NDST3: variants seen among roughly 807,000 people sequenced by gnomAD.
NDST3 encodes N-deacetylase and N-sulfotransferase 3, also known as bifunctional heparan sulfate N-deacetylase/N-sulfotransferase 3.
A neutral mutation model predicts 96.1 loss-of-function variants in NDST3; 58 were observed. That is an observed-to-expected ratio of 0.60 (90% confidence interval 0.49 to 0.75). NDST3 has a LOEUF of 0.75. Ranked by LOEUF, NDST3 falls within the 30% of genes least tolerant of loss-of-function variation. The pLI is 0.00. For missense variants in NDST3, 788 were observed against 1,034.2 expected (o/e 0.76, Z 3.27); for synonymous variants, 333 against 359.7 (o/e 0.93, Z 0.84).
intron 6 of NDST3, among the ~76,000 whole-genome samples, chr4:118,160,922 T>A (rs1560687903): frequency 6.6e-6 from 1 of 152,136 alleles, no homozygotes; most frequent in African/African-American, 2.4e-5. Flanking sequence ...AGGAACTGCA[T>A]TCCTTTGGAG....
rs981793425 is a variant in NDST3 at position 118,205,490 on chromosome 4, C to T, written c.1540-19001C>T. 1.4e-5 allele frequency among the ~76,000 whole-genome samples: 2 copies of T among 144,696 alleles called. 1 individual carries two copies. The highest frequency in any genetic ancestry group is 3.1e-5 in the Non-Finnish European group (2 of 65,300). 94.9% of individuals were successfully genotyped at this position (144,696 alleles called of 152,430 possible). A position where few individuals can be genotyped will look rare whatever the true frequency, so the allele number is the denominator to read the frequency against. Reference sequence around the variant, plus strand: ...CATTGTGCTCTAATACATTGACACTCACAGAATATAGGACAGTTGTATCTA... The same window carrying T: ...CATTGTGCTCTAATACATTGACACTTACAGAATATAGGACAGTTGTATCTA... On this transcript the variant is annotated intron_variant, in intron 6 of 13. Coordinates refer to ENST00000296499, the MANE Select transcript of NDST3 (RefSeq NM_004784.3).
chr4:118,096,659 G>GTAGA (rs56067967), intron 2 of NDST3, among the ~76,000 whole-genome samples: 21,498 of 144,792 alleles, frequency 0.15, 1,594 homozygotes, highest in East Asian at 0.2. Context: ...TATGGCTAGA[G>GTAGA]TAGATAGATA....
chr4:118,109,223 C>A (rs980592210), intron 3 of NDST3, among the ~76,000 whole-genome samples: 1 of 152,134 alleles, frequency 6.6e-6, no homozygotes, highest in Non-Finnish European at 1.5e-5. Context: ...ATCTTAGATT[C>A]TTTGACATCC....
At chr4:118,218,239 A>G (rs1739315153) in intron 6 of NDST3, among the ~76,000 whole-genome samples, 1 of 152,152 alleles carries the variant, frequency 6.6e-6, no homozygotes. Context: ...GACAAAACAA[A>G]AAAAGAAAAC....
chr4:118,255,780 AC>A lies in NDST3; in HGVS notation c.*70del. 3.4e-6 allele frequency: 5 copies of A among 1,452,940 alleles called. No individual in the cohort carries two copies. The highest frequency in any genetic ancestry group is 4.6e-6 in the Non-Finnish European group (5 of 1,089,436). The allele number at this position is 1,452,940 out of a possible 1,614,324, so 90.0% of individuals were successfully genotyped here. On this transcript the variant is annotated 3_prime_UTR_variant, in exon 14 of 14. Transcript: ENST00000296499. ...ACCTTTTCCAAAGCTTCCAGAAGCT[AC>A]CAAAAGGCAGTTGAAAAATATACCT...
chr4:118,210,296 G>A (rs558161026), intron 6 of NDST3, among the ~76,000 whole-genome samples: 3 of 152,130 alleles, frequency 2.0e-5, no homozygotes, highest in Non-Finnish European at 4.4e-5. Context: ...ACAGTAGGTT[G>A]TTGTCTGCCT....
intron 6 of NDST3, among the ~76,000 whole-genome samples, chr4:118,145,730 T>G (rs1444801914): frequency 1.3e-5 from 2 of 152,126 alleles, no homozygotes; most frequent in African/African-American, 4.8e-5. Context: ...AGGTGGCAGG[T>G]TGGGGGAGCC....
chr4:118,205,697 A>G (rs1371716880), intron 6 of NDST3, among the ~76,000 whole-genome samples: 2 of 144,820 alleles, frequency 1.4e-5, no homozygotes, highest in Non-Finnish European at 3.1e-5. Context: ...ACCTGAGATT[A>G]AATCCTGATC....
intron 1 of NDST3, among the ~76,000 whole-genome samples, chr4:118,045,928 G>T (rs1275028317): frequency 6.6e-6 from 1 of 151,684 alleles, no homozygotes; most frequent in Non-Finnish European, 1.5e-5. Context: ...CTCTAATAAG[G>T]TTTTGCTCTA....
At chr4:118,192,778 A>G (rs553527980) in intron 6 of NDST3, among the ~76,000 whole-genome samples, 4 of 151,310 alleles carry the variant, frequency 2.6e-5, no homozygotes, top group Admixed American at 6.6e-5. Flanking sequence ...GCAAGCCTGG[A>G]CCTTCATCAA....
chr4:118,102,593 G>C (rs1468642879), intron 2 of NDST3, among the ~76,000 whole-genome samples: 1 of 152,014 alleles, frequency 6.6e-6, no homozygotes, highest in Non-Finnish European at 1.5e-5. Context: ...ATAGAATAAT[G>C]CTGAATAAAA....
At chr4:118,238,773 T>C (rs1740842091) in intron 10 of NDST3, among the ~76,000 whole-genome samples, 1 of 152,190 alleles carries the variant, frequency 6.6e-6, no homozygotes, top group South Asian at 2.1e-4. Context: ...GCGACTGACA[T>C]ACAGACTCCT....
chr4:118,125,570 A>G (rs1731981603), intron 4 of NDST3, among the ~76,000 whole-genome samples: 1 of 152,086 alleles, frequency 6.6e-6, no homozygotes, highest in South Asian at 2.1e-4. Context: ...AGAAAATTGT[A>G]TATGGGAGTT....
intron 1 of NDST3, 94 bp downstream of exon 1, chr4:118,034,686 A>C (rs922943981): frequency 6.6e-6 from 1 of 152,236 alleles, no homozygotes; most frequent in African/African-American, 2.4e-5. Flanking sequence ...CAAATAATCT[A>C]AAAATTTCAA....
At chr4:118,070,516 C>A (rs1047829246) in intron 2 of NDST3, among the ~76,000 whole-genome samples, 2 of 152,002 alleles carry the variant, frequency 1.3e-5, no homozygotes, top group South Asian at 4.1e-4. Flanking sequence ...CATATGATTA[C>A]TCCCTACAGT....
intron 6 of NDST3, among the ~76,000 whole-genome samples, chr4:118,187,519 T>C (rs896310370): frequency 1.3e-5 from 2 of 152,208 alleles, no homozygotes; most frequent in African/African-American, 4.8e-5. Flanking sequence ...TAACATTTGT[T>C]GTTCGTATTG....
chr4:118,088,943 G>A (rs1728650970), intron 2 of NDST3, among the ~76,000 whole-genome samples: 2 of 151,764 alleles, frequency 1.3e-5, no homozygotes, highest in Admixed American at 1.3e-4. Flanking sequence ...GAAAATTGTA[G>A]GTTTCTAGGT....
intron 2 of NDST3, among the ~76,000 whole-genome samples, chr4:118,064,132 G>A (rs1287708962): frequency 2.0e-5 from 3 of 152,196 alleles, no homozygotes; most frequent in East Asian, 3.9e-4. Flanking sequence ...AGGCCCTTCT[G>A]GCGCTCAATC....
intron 2 of NDST3, among the ~76,000 whole-genome samples, chr4:118,091,648 T>C (rs1728874720): frequency 6.6e-6 from 1 of 151,680 alleles, no homozygotes; most frequent in African/African-American, 2.4e-5. Flanking sequence ...CTGCTTTCAC[T>C]CACTGAGGGA....
Sources: gnomAD v4.1 joint callset for allele counts (sites outside exome capture counted in the v4.1 genomes callset) on GRCh38, gnomAD v4.1.1 for gene constraint, MANE v1.5 for transcripts, NCBI Gene and HGNC (gene_info 2026-07-23, HGNC 2026-07-21) for gene names.